The following AZIN1 variants were observed in gnomAD, a reference collection of about 807,000 sequenced individuals.
AZIN1 encodes ornithine decarboxylase antizyme inhibitor.
Under a neutral mutation model 47.4 loss-of-function variants are expected in AZIN1, and 12 were observed. That is an observed-to-expected ratio of 0.25 (90% CI 0.16 to 0.41). The LOEUF (loss-of-function observed/expected upper bound fraction) is 0.41. Among genes scored for constraint, AZIN1 ranks in the 10% least tolerant of loss-of-function variants. AZIN1 has a pLI of 1.00. For synonymous variants in AZIN1, 155 were observed against 176.3 expected (o/e 0.88, Z 0.96); for missense variants, 410 against 532.4 (o/e 0.77, Z 2.26).
At chr8:102,853,873 G>T (rs1032292470) in intron 2 of AZIN1, among the ~76,000 whole-genome samples, 1 of 151,132 alleles carries the variant, frequency 6.6e-6, no homozygotes, top group Non-Finnish European at 1.5e-5. Flanking sequence ...ATCGGGGGGT[G>T]GGGGGAGAAA....
intron 5 of AZIN1, among the ~76,000 whole-genome samples, chr8:102,838,121 C>T (rs1385112776): frequency 6.6e-6 from 1 of 151,942 alleles, no homozygotes; most frequent in East Asian, 1.9e-4. Flanking sequence ...CCTCAGTCTC[C>T]TAAAGTGCTG....
Position 102,836,312 on chromosome 8 carries a change from G to C in AZIN1, c.528C>G (p.Asn176Lys). ...GNMKFGTTLK[N>K]CRHLLECAKE... ...TAGCACATTCCAAGAGATGCCTACA[G>C]TTCTTCAGGGTAGTGCCAAACTTCA... Residue 176 changes from asparagine to lysine, a missense_variant, in exon 6 of 12, where the codon AAC becomes AAG. By Grantham distance (94) the Asn-to-Lys change is moderately conservative. Transcript: ENST00000337198. The C allele has an allele frequency of 6.2e-7, 1 of 1,613,588 alleles. No homozygotes were observed. The highest frequency in any genetic ancestry group is 1.3e-5 in the African/African-American group (1 of 75,036).
At chr8:102,840,061 A>C (rs1812082902) in intron 3 of AZIN1, among the ~76,000 whole-genome samples, 1 of 152,208 alleles carries the variant, frequency 6.6e-6, no homozygotes, top group Admixed American at 6.5e-5. Flanking sequence ...CTAGCATATA[A>C]AATATTCTCC....
chr8:102,851,483 G>T (rs932009102), intron 2 of AZIN1, among the ~76,000 whole-genome samples: 2 of 152,134 alleles, frequency 1.3e-5, no homozygotes, highest in Non-Finnish European at 2.9e-5. Flanking sequence ...TGACGCAGGT[G>T]GATCATGAGA....
chr8:102,832,980 C>T (rs1225041309), intron 9 of AZIN1, 76 bp downstream of exon 9: 8 of 1,330,808 alleles, frequency 6.0e-6, no homozygotes, highest in Non-Finnish European at 8.4e-6. Flanking sequence ...CCTACAACTT[C>T]ATGACCATCT....
At chr8:102,828,779 A>G in intron 11 of AZIN1, 101 bp from the exon 12 acceptor site, 1 of 692,144 alleles carries the variant, frequency 1.4e-6, no homozygotes. Flanking sequence ...TAGTCTTCCA[A>G]AAACCTTTAA....
At chr8:102,838,972 A>G in intron 4 of AZIN1, 56 bp from the exon 5 acceptor site, 1 of 1,487,338 alleles carries the variant, frequency 6.7e-7, no homozygotes. Flanking sequence ...TATTCTGGTA[A>G]TGCTTCCTCT....
Position 102,860,172 on chromosome 8 carries a change from T to C in AZIN1, c.-233-2022A>G, listed in dbSNP as rs138772899. On this transcript the variant is annotated intron_variant, in intron 1 of 11. Transcript: ENST00000337198. ...AATTATTTTCACTTAGAATGGTGTA[T>C]GTAAACACTGCAAATTCTCTAACAC... 3.3e-3 allele frequency among the ~76,000 whole-genome samples: 506 copies of C among 152,364 alleles called. 21 individuals are homozygous for C. The highest frequency in any genetic ancestry group is 0.029 in the Admixed American group (438 of 15,304).
chr8:102,832,862 G>A (rs1227359369), intron 9 of AZIN1, among the ~76,000 whole-genome samples, 194 bp downstream of exon 9: 3 of 151,984 alleles, frequency 2.0e-5, no homozygotes, highest in Admixed American at 6.6e-5. Flanking sequence ...GGCTGGTCTC[G>A]AACTCCTGAC....
rs1169099183 is a variant in AZIN1 at position 102,828,057 on chromosome 8, A to G, written c.*510T>C. ...ATACAAGGGTTACATTAGGTCAACAAATACTATGATGCAATTTTACATTTA... is the reference window on the plus strand; with the variant it reads ...ATACAAGGGTTACATTAGGTCAACAGATACTATGATGCAATTTTACATTTA... On this transcript the variant is annotated 3_prime_UTR_variant, in exon 12 of 12. Coordinates refer to ENST00000337198, the MANE Select transcript of AZIN1 (RefSeq NM_148174.4). 6.5e-6 allele frequency: 1 copy of G among 152,750 alleles called. No individual in the cohort carries two copies. The highest frequency in any genetic ancestry group is 1.5e-5 in the Non-Finnish European group (1 of 68,086). The allele number at this position is 152,750 out of a possible 1,614,324, so 9.5% of individuals were successfully genotyped here.
At chr8:102,830,920 C>T (rs1177050986) in intron 9 of AZIN1, among the ~76,000 whole-genome samples, 1 of 152,144 alleles carries the variant, frequency 6.6e-6, no homozygotes, top group Admixed American at 6.5e-5. Flanking sequence ...CACAGGTCAC[C>T]GCAGCCTCGA....
At chr8:102,834,044 G>A (rs1006157701) in intron 8 of AZIN1, 145 bp downstream of exon 8, 3 of 589,288 alleles carry the variant, frequency 5.1e-6, no homozygotes, top group Non-Finnish European at 8.8e-6. Flanking sequence ...TCTACTAACT[G>A]CCTATTCCTT....
chr8:102,862,357 G>A (rs769709369), intron 1 of AZIN1, among the ~76,000 whole-genome samples: 1 of 152,052 alleles, frequency 6.6e-6, no homozygotes, highest in African/African-American at 2.4e-5. Flanking sequence ...CAGAATCTAG[G>A]TGGAAGTATA....
At chr8:102,851,676 G>A (rs983692358) in intron 2 of AZIN1, among the ~76,000 whole-genome samples, 1 of 152,104 alleles carries the variant, frequency 6.6e-6, no homozygotes, top group African/African-American at 2.4e-5. Context: ...ACTGCCCTGG[G>A]TGACAGAGCA....
chr8:102,849,298 A>G (rs1414086360), intron 2 of AZIN1, among the ~76,000 whole-genome samples: 1 of 152,130 alleles, frequency 6.6e-6, no homozygotes, highest in Non-Finnish European at 1.5e-5. Context: ...TCTCAAAACA[A>G]AAACAAGAAA....
intron 5 of AZIN1, among the ~76,000 whole-genome samples, chr8:102,837,398 T>C (rs569431496): frequency 6.6e-5 from 10 of 152,364 alleles, no homozygotes; most frequent in East Asian, 1.9e-4. Flanking sequence ...GTTGAAAATA[T>C]ACAAATTCTT....
Position 102,843,585 on chromosome 8 carries a change from T to C in AZIN1, c.68A>G (p.Asn23Ser), listed in dbSNP as rs771244524. 2 of 1,614,090 alleles carry C rather than the reference T, an allele frequency of 1.2e-6. No individual in the cohort carries two copies. Among genetic ancestry groups the C allele is most frequent in the South Asian group, 1.1e-5 (1 of 91,074 alleles). Residue 23 changes from asparagine (N) to serine (S), a missense_variant, in exon 3 of 12, where the codon AAT becomes AGT. Transcript: ENST00000337198. ...GLLDEGTNLG[N>S]VIDNYVYEHT... The stretch of plus-strand genomic sequence containing the variant: ...TTCATAAACATAGTTATCAATAACA[T>C]TTCCAAGGTTTGTTCCTTCATCCAA...
chr8:102,834,515 T>TA, intron 7 of AZIN1, 151 bp downstream of exon 7: 2 of 662,596 alleles, frequency 3.0e-6, no homozygotes, highest in Non-Finnish European at 5.2e-6. Context: ...GGTGTGACTG[T>TA]ACAGAGCTCT....
At chr8:102,840,518 AT>A (rs964784571) in intron 3 of AZIN1, among the ~76,000 whole-genome samples, 5 of 152,226 alleles carry the variant, frequency 3.3e-5, no homozygotes, top group Non-Finnish European at 1.5e-5. Flanking sequence ...CCAGGAAACC[AT>A]TTTTAAAAAG....
Sources: allele counts gnomAD v4.1 joint callset (sites outside exome capture counted in the v4.1 genomes callset), GRCh38; gene constraint gnomAD v4.1.1; transcripts MANE v1.5; gene names NCBI Gene and HGNC (gene_info 2026-07-23, HGNC 2026-07-21).